The following NECTIN1 variants were observed in gnomAD, a reference collection of about 807,000 sequenced individuals.
The protein encoded by NECTIN1 is nectin-1.
A neutral mutation model predicts 48.0 loss-of-function variants in NECTIN1; 23 were observed. The ratio of observed to expected loss-of-function variants is 0.48; its 90% CI spans 0.34 to 0.68. The LOEUF is 0.68. Ranked by LOEUF, NECTIN1 falls within the 30% of genes least tolerant of loss-of-function variation. The probability of loss-of-function intolerance (pLI) is 0.01; values close to 1 mark genes in which losing one functional copy is unlikely to be tolerated. For synonymous variants in NECTIN1, 270 were observed against 288.9 expected, an observed-to-expected ratio of 0.93 and a Z score of 0.66; for missense variants, 591 against 709.9, an observed-to-expected ratio of 0.83 and a Z score of 1.90.
chr11:119,640,314 G>C (rs539499300), intron 5 of NECTIN1: 43 of 447,694 alleles, frequency 9.6e-5, no homozygotes, highest in African/African-American at 7.6e-4. Flanking sequence ...CTGAGATGGG[G>C]TCCCCACCCC....
intron 1 of NECTIN1, among the ~76,000 whole-genome samples, chr11:119,714,274 CTG>C (rs1224896673): frequency 6.6e-6 from 1 of 152,140 alleles, no homozygotes; most frequent in African/African-American, 2.4e-5. Context: ...GAATGTGCCT[CTG>C]TATCCCAATG....
At chr11:119,719,326 C>T (rs568367400) in intron 1 of NECTIN1, among the ~76,000 whole-genome samples, 1 of 152,182 alleles carries the variant, frequency 6.6e-6, no homozygotes, top group African/African-American at 2.4e-5. Context: ...GTGAGGACTC[C>T]AGGCTTAGGA....
intron 5 of NECTIN1, among the ~76,000 whole-genome samples, chr11:119,649,685 G>A (rs913605905): frequency 1.3e-5 from 2 of 151,982 alleles, no homozygotes; most frequent in Admixed American, 6.6e-5. Context: ...GTGAGACTCC[G>A]TCTCCAAAAA....
At chr11:119,646,446 C>T (rs1591437310) in intron 5 of NECTIN1, among the ~76,000 whole-genome samples, 1 of 151,682 alleles carries the variant, frequency 6.6e-6, no homozygotes, top group East Asian at 1.9e-4. Flanking sequence ...GTTGGCCCAT[C>T]CCCCCTCCGT....
chr11:119,638,142 G>A (rs753926085), exon 8 of NECTIN1: 1 of 1,613,704 alleles, frequency 6.2e-7, no homozygotes, highest in African/African-American at 1.3e-5. Context: ...ACCGAGGGGT[G>A]GTAGGAGGGG....
At chr11:119,668,151 C>T (rs1165929982) in intron 5 of NECTIN1, among the ~76,000 whole-genome samples, 4 of 152,134 alleles carry the variant, frequency 2.6e-5, no homozygotes, top group Non-Finnish European at 1.5e-5. Context: ...GAATTCTCAC[C>T]ACCACTTCAA....
rs377427305 is a variant in NECTIN1, at chr11:119,678,453, G to T, written c.392C>A (p.Thr131Lys). ...VYICEFATFP[T>K]GNRESQLNLT... Reference sequence around the variant, plus strand: ...ATTGAGCTGGCTTTCTCGATTGCCCGTAGGGAAGGTAGCAAACTCGCAGAT... The same window carrying T: ...ATTGAGCTGGCTTTCTCGATTGCCCTTAGGGAAGGTAGCAAACTCGCAGAT... The change falls in exon 2 of 6, where the codon ACG becomes AAG. Residue 131 changes from threonine to lysine, a missense_variant. Coordinates refer to ENST00000264025, the MANE Select transcript of NECTIN1 (RefSeq NM_002855.5). This position sits in a 1 kb window ranked among gnomAD's most constrained non-coding sequence, Gnocchi z 4.4. 1 of 1,614,224 alleles carries T rather than the reference G, an allele frequency of 6.2e-7. No individual in the cohort carries two copies. Among genetic ancestry groups the T allele is most frequent in the Admixed American group, 1.7e-5 (1 of 60,032 alleles).
chr11:119,662,007 A>G lies in NECTIN1; in HGVS notation c.*2740T>C, dbSNP rs1864674938. On this transcript the variant is annotated 3_prime_UTR_variant, in exon 6 of 6. Transcript: ENST00000264025. This position sits in a 1 kb window ranked among gnomAD's most constrained non-coding sequence, Gnocchi z 5.3. ...GATAAAAGGGGACTCGGCTGGTTCT[A>G]TTACACATTAGAACAATATCAAAAT... The G allele has an allele frequency of 1.0e-6, 1 of 985,166 alleles. No individual in the cohort carries two copies. Among genetic ancestry groups the G allele is most frequent in the Non-Finnish European group, 1.2e-6 (1 of 829,878 alleles). The allele number at this position is 985,166 out of a possible 1,614,324, so 61.0% of individuals were successfully genotyped here.
chr11:119,725,416 T>G (rs1420022683), intron 1 of NECTIN1, among the ~76,000 whole-genome samples: 2 of 152,184 alleles, frequency 1.3e-5, no homozygotes, highest in East Asian at 3.8e-4. Context: ...CCAGGGCAAC[T>G]GGGCCCAAGC....
In NECTIN1 at chr11:119,675,274, C is replaced by G; in HGVS notation, c.888G>C (p.Gln296His). 1 of 1,614,088 alleles carries G rather than the reference C, an allele frequency of 6.2e-7. No homozygotes were observed. Among genetic ancestry groups the G allele is most frequent in the Non-Finnish European group, 8.5e-7 (1 of 1,180,018 alleles). ...NGSLPKGVEA[Q>H]NRTLFFKGPI... Reference sequence around the variant, plus strand: ...GTCCCTTGAAGAAGAGGGTTCTGTTCTGGGCCTCCACACCCTTGGGGAGAG... The same window carrying G: ...GTCCCTTGAAGAAGAGGGTTCTGTTGTGGGCCTCCACACCCTTGGGGAGAG... The change falls in exon 5 of 6, where the codon CAG becomes CAC. Residue 296 changes from glutamine to histidine, a missense_variant. Coordinates refer to ENST00000264025, the MANE Select transcript of NECTIN1 (RefSeq NM_002855.5).
At position 119,677,987 on chromosome 11, in the gene NECTIN1, C is replaced by A; in HGVS notation, c.431-130G>T. The A allele has an allele frequency of 2.2e-6, 2 of 927,026 alleles. No individual in the cohort carries two copies. Among genetic ancestry groups the A allele is most frequent in the East Asian group, 5.2e-5 (2 of 38,476 alleles). The allele number at this position is 927,026 out of a possible 1,614,324, so 57.4% of individuals were successfully genotyped here. ...TGGCCATCCCTGCCTCTCAGCTGTG[C>A]TGCACCAAAGACTGTCCCAGAACCT... is the stretch of plus-strand genomic sequence containing the variant. On this transcript the variant is annotated intron_variant, in intron 2 of 5. Coordinates refer to ENST00000264025, the MANE Select transcript of NECTIN1 (RefSeq NM_002855.5). The surrounding 1 kb of genome is among the most constrained non-coding windows in gnomAD (Gnocchi z 5.4).
At chr11:119,718,063 T>C (rs1373313644) in intron 1 of NECTIN1, among the ~76,000 whole-genome samples, 1 of 152,216 alleles carries the variant, frequency 6.6e-6, no homozygotes, top group Non-Finnish European at 1.5e-5. Context: ...GATGACTGTT[T>C]TGCAGCCGAA....
intron 5 of NECTIN1, among the ~76,000 whole-genome samples, chr11:119,648,072 A>G (rs77135463): frequency 1.5e-5 from 2 of 130,536 alleles, no homozygotes; most frequent in African/African-American, 4.0e-5. Context: ...TCAAAAAAAA[A>G]AAAAAAAAAA....
chr11:119,670,052 G>A (rs969388725), intron 5 of NECTIN1, among the ~76,000 whole-genome samples: 14 of 150,892 alleles, frequency 9.3e-5, no homozygotes, highest in South Asian at 8.4e-4. Context: ...TCCGCCTCCC[G>A]GGTTCAAGCG....
chr11:119,653,431 G>C (rs1359014724), intron 5 of NECTIN1, among the ~76,000 whole-genome samples: 1 of 152,214 alleles, frequency 6.6e-6, no homozygotes, highest in Non-Finnish European at 1.5e-5. Context: ...TCCCCTGCAG[G>C]AGGGTGGCCC....
chr11:119,662,419 C>T lies in NECTIN1; in HGVS notation c.*2328G>A, dbSNP rs763135701. The T allele has an allele frequency of 1.8e-5, 18 of 985,648 alleles. No homozygotes were observed. Among genetic ancestry groups the T allele is most frequent in the Middle Eastern group, 5.2e-4 (1 of 1,936 alleles). The allele number at this position is 985,648 out of a possible 1,614,324, so 61.1% of individuals were successfully genotyped here. On this transcript the variant is annotated 3_prime_UTR_variant, in exon 6 of 6. Transcript: ENST00000264025. The surrounding 1 kb of genome is among the most constrained non-coding windows in gnomAD (Gnocchi z 5.3). Reference sequence around the variant, plus strand: ...CCCCTGGCAAGTCAGGAGCCTCCTACGTGGCCCATGCTACATGGACCCCAA... The same window carrying T: ...CCCCTGGCAAGTCAGGAGCCTCCTATGTGGCCCATGCTACATGGACCCCAA...
intron 4 of NECTIN1, 65 bp from the exon 5 acceptor site, chr11:119,675,375 T>C (rs1591456287): frequency 1.3e-6 from 2 of 1,597,196 alleles, no homozygotes; most frequent in African/African-American, 1.3e-5. Flanking sequence ...TGTTCCTGGG[T>C]CACCCACTTG....
At chr11:119,690,906 C>T (rs1353004636) in intron 1 of NECTIN1, among the ~76,000 whole-genome samples, 1 of 152,178 alleles carries the variant, frequency 6.6e-6, no homozygotes, top group African/African-American at 2.4e-5. Context: ...CCTTCCGGCT[C>T]AACTACCACC....
Position 119,677,861 on chromosome 11 carries a change from C to T in NECTIN1, c.431-4G>A, listed in dbSNP as rs375284374. ...TCTATCCAATTGGTGGGTTTGGCTGCGAGGAAGCAGAGAGAGTGATGGGAC... is the reference window on the plus strand; with the variant it reads ...TCTATCCAATTGGTGGGTTTGGCTGTGAGGAAGCAGAGAGAGTGATGGGAC... On this transcript the variant is annotated splice_region_variant and splice_polypyrimidine_tract_variant and intron_variant, in intron 2 of 5. Transcript: ENST00000264025. The surrounding 1 kb of genome is among the most constrained non-coding windows in gnomAD (Gnocchi z 5.4). 8.3e-4 allele frequency: 1,332 copies of T among 1,613,652 alleles called. 32 individuals are homozygous for T. The South Asian group carries it at 0.013, about 15-fold the overall frequency.
Sources: gnomAD v4.1 joint callset for allele counts (sites outside exome capture counted in the v4.1 genomes callset) on GRCh38, gnomAD v4.1.1 for gene constraint, Gnocchi (gnomAD v3.1) non-coding constraint, MANE v1.5 for transcripts, NCBI Gene and HGNC (gene_info 2026-07-23, HGNC 2026-07-21) for gene names.